The following HSH2D variants were observed in gnomAD, a reference collection of about 807,000 sequenced individuals.
HSH2D encodes the protein hematopoietic SH2 domain containing, also known as hematopoietic SH2 domain-containing protein.
A neutral mutation model predicts 21.5 loss-of-function variants in HSH2D; 16 were observed. The ratio of observed to expected loss-of-function variants is 0.74; its 90% CI spans 0.50 to 1.13. HSH2D has a LOEUF of 1.13. Ranked by LOEUF, HSH2D falls within the 50% of genes most tolerant of loss-of-function variation. The pLI, the probability that HSH2D is intolerant of heterozygous loss-of-function variation, is 0.00. For missense variants in HSH2D, 418 were observed against 441.4 expected (o/e 0.95, Z 0.47); for synonymous variants, 172 against 184.7 (o/e 0.93, Z 0.56).
intron 2 of HSH2D, among the ~76,000 whole-genome samples, chr19:16,151,765 G>GAAA (rs746775825): frequency 9.2e-4 from 56 of 61,144 alleles, no homozygotes; most frequent in Non-Finnish European, 1.3e-3. Context: ...TGCCACAGCT[G>GAAA]AAAAAAAAAA....
Position 16,153,205 on chromosome 19 carries a change from G to T in HSH2D, c.378G>T (p.Arg126Ser). 1 of 1,530,216 alleles carries T rather than the reference G, an allele frequency of 6.5e-7. No individual in the cohort carries two copies. The highest frequency in any genetic ancestry group is 1.2e-5 in the South Asian group (1 of 81,170). 94.8% of individuals were successfully genotyped at this position (1,530,216 alleles called of 1,614,324 possible). A position where few individuals can be genotyped will look rare whatever the true frequency, so the allele number is the denominator to read the frequency against. Reference sequence around the variant, plus strand: ...GGGAGCTGCTGACACAGCCCTGCAGGCAGGTGAGGGCGGGGACCCACAAGG... The same window carrying T: ...GGGAGCTGCTGACACAGCCCTGCAGTCAGGTGAGGGCGGGGACCCACAAGG... ...PRRELLTQPC[R>S]QKDPANVDYE... The change falls in exon 4 of 6, where the codon AGG (arginine) becomes AGT (serine). Residue 126 changes from arginine (R) to serine (S), a missense_variant. By Grantham distance (110) the Arg-to-Ser change is moderately radical (BLOSUM62 -1). Coordinates refer to ENST00000613986, the MANE Select transcript of HSH2D (RefSeq NM_001382417.1).
At position 16,153,027 on chromosome 19, in the gene HSH2D, C is replaced by T. The variant is rs372495102; in HGVS notation, c.216-16C>T. The T allele has an allele frequency of 3.7e-6, 6 of 1,605,110 alleles. No individual in the cohort carries two copies. The highest frequency in any genetic ancestry group is 1.1e-5 in the South Asian group (1 of 89,462). On this transcript the variant is annotated splice_polypyrimidine_tract_variant and intron_variant, in intron 3 of 5. Coordinates refer to ENST00000613986, the MANE Select transcript of HSH2D (RefSeq NM_001382417.1). ...AGGGGGAGTAGGATGTCCCAGCCCC[C>T]GCAGTGTCTCCGCAGAGCCCAAAGC...
chr19:16,153,278 C>A, intron 4 of HSH2D, 70 bp downstream of exon 4: 1 of 1,363,666 alleles, frequency 7.3e-7, no homozygotes, highest in Non-Finnish European at 9.7e-7. Flanking sequence ...CCTTTGTTTC[C>A]CACGCCCCCA....
intron 1 of HSH2D, among the ~76,000 whole-genome samples, chr19:16,147,635 TTTTG>T (rs1278028130): frequency 2.4e-5 from 3 of 124,580 alleles, no homozygotes; most frequent in African/African-American, 7.0e-5. Context: ...GTGGTTTTTT[TTTTG>T]TTTTGTTTTG....
intron 1 of HSH2D, among the ~76,000 whole-genome samples, chr19:16,136,386 C>T (rs542149249): frequency 3.9e-5 from 6 of 152,206 alleles, no homozygotes; most frequent in East Asian, 3.9e-4. Context: ...TAATGGGTCA[C>T]GGATAAGAGG....
rs2090976068 is a variant in HSH2D at position 16,138,055 on chromosome 19, A to G, written c.-324+3820A>G. 2.6e-5 allele frequency among the ~76,000 whole-genome samples: 4 copies of G among 151,888 alleles called. No individual in the cohort carries two copies. In the South Asian group the frequency reaches 8.3e-4, roughly 32 times the overall value. On this transcript the variant is annotated intron_variant, in intron 1 of 7. Coordinates refer to the HSH2D transcript ENST00000616645. ...GCTAATTTTTGTATTTTTAGTAGAG[A>G]TGGAGTTTCACCATGTTGGCCAGGC...
chr19:16,145,262 G>C (rs1022522943), intron 1 of HSH2D, among the ~76,000 whole-genome samples: 2 of 151,856 alleles, frequency 1.3e-5, no homozygotes, highest in African/African-American at 4.8e-5. Flanking sequence ...GCCCAGGCTG[G>C]AGTGCAGTGG....
chr19:16,155,919 T>C (rs923560617), intron 5 of HSH2D, among the ~76,000 whole-genome samples: 2 of 151,892 alleles, frequency 1.3e-5, no homozygotes, highest in Non-Finnish European at 2.9e-5. Context: ...ACTGGTGGTT[T>C]TAAATGTTTC....
chr19:16,153,467 G>T (rs1267502500), intron 4 of HSH2D, among the ~76,000 whole-genome samples: 2 of 152,236 alleles, frequency 1.3e-5, no homozygotes, highest in African/African-American at 2.4e-5. Flanking sequence ...GTATAATCTT[G>T]GCTCATCTGA....
chr19:16,153,026 C>T lies in HSH2D; in HGVS notation c.216-17C>T, dbSNP rs1264535046. The T allele has an allele frequency of 1.2e-6, 2 of 1,605,104 alleles. No homozygotes were observed. The highest frequency in any genetic ancestry group is 1.7e-6 in the Non-Finnish European group (2 of 1,176,092). On this transcript the variant is annotated splice_polypyrimidine_tract_variant and intron_variant, in intron 3 of 5. Transcript: ENST00000613986. The stretch of plus-strand genomic sequence containing the variant: ...GAGGGGGAGTAGGATGTCCCAGCCC[C>T]CGCAGTGTCTCCGCAGAGCCCAAAG...
upstream of HSH2D, among the ~76,000 whole-genome samples, chr19:16,141,295 G>GAGAGGC (rs2090998320): frequency 2.0e-5 from 3 of 152,224 alleles, no homozygotes; most frequent in African/African-American, 7.2e-5. Context: ...AGGGGGGTGA[G>GAGAGGC]AGAGGCACCC....
intron 1 of HSH2D, chr19:16,134,349 A>G (rs2090945318): frequency 6.6e-6 from 1 of 152,228 alleles, no homozygotes. Context: ...AGACTCCTAC[A>G]AAGAAAGCAG....
chr19:16,145,982 A>G (rs768193836), intron 1 of HSH2D, among the ~76,000 whole-genome samples: 27 of 151,702 alleles, frequency 1.8e-4, no homozygotes, highest in Non-Finnish European at 3.5e-4. Flanking sequence ...AGGCTAAGGC[A>G]GGAGAATCAC....
At position 16,154,442 on chromosome 19, in the gene HSH2D, C is replaced by A; in HGVS notation, c.425C>A (p.Ser142Tyr). 2 of 1,552,672 alleles carry A rather than the reference C, an allele frequency of 1.3e-6. No homozygotes were observed. Among genetic ancestry groups the A allele is most frequent in the Non-Finnish European group, 1.7e-6 (2 of 1,147,696 alleles). The change falls in exon 5 of 6, where the codon TCC becomes TAC. Residue 142 changes from serine (S) to tyrosine (Y), a missense_variant. Transcript: ENST00000613986. ...NVDYEDLFLY[S>Y]NAVAEEAACP... is the part of the protein sequence containing the mutation. The stretch of plus-strand genomic sequence containing the variant: ...GATTACGAGGATCTCTTCCTCTACT[C>A]CAACGCAGTGGCCGAGGAAGCTGCC...
chr19:16,154,473 G>T lies in HSH2D; in HGVS notation c.456G>T (p.Pro152=), dbSNP rs371673671. ...CAGTGGCCGAGGAAGCTGCCTGCCC[G>T]GTGTCTGCCCCTGAGGAGGTATGTA... ...SNAVAEEAAC[P]VSAPEEASPK... Residue 152 remains proline (P), a synonymous_variant, in exon 5 of 6, where the codon CCG becomes CCT. Transcript: ENST00000613986. 1.9e-6 allele frequency: 3 copies of T among 1,551,926 alleles called. No homozygotes were observed. The highest frequency in any genetic ancestry group is 1.2e-5 in the South Asian group (1 of 84,090).
At chr19:16,146,420 G>A (rs979940190) in intron 1 of HSH2D, among the ~76,000 whole-genome samples, 5 of 152,168 alleles carry the variant, frequency 3.3e-5, no homozygotes, top group African/African-American at 1.2e-4. Context: ...TCATGCCTGT[G>A]ATCCCAGTAT....
At chr19:16,134,997 G>A (rs1169499969) in intron 1 of HSH2D, among the ~76,000 whole-genome samples, 1 of 151,818 alleles carries the variant, frequency 6.6e-6, no homozygotes, top group Non-Finnish European at 1.5e-5. Context: ...TTGGCCGGGT[G>A]CAGTGGCGCA....
chr19:16,155,274 T>G (rs1440222399), intron 5 of HSH2D, among the ~76,000 whole-genome samples: 1 of 148,356 alleles, frequency 6.7e-6, no homozygotes, highest in Non-Finnish European at 1.5e-5. Flanking sequence ...AGGTGGGGGG[T>G]GCAAGTGGGG....
chr19:16,136,483 G>A (rs2090965044), intron 1 of HSH2D, among the ~76,000 whole-genome samples: 1 of 152,158 alleles, frequency 6.6e-6, no homozygotes, highest in South Asian at 2.1e-4. Context: ...GATAGTGAGG[G>A]CACCAGAGTC....
Sources: gnomAD v4.1 joint callset for allele counts (sites outside exome capture counted in the v4.1 genomes callset) on GRCh38, gnomAD v4.1.1 for gene constraint, MANE v1.5 for transcripts, NCBI Gene and HGNC (gene_info 2026-07-23, HGNC 2026-07-21) for gene names.